SRFBP1: variants seen among roughly 807,000 people sequenced by gnomAD.
The protein encoded by SRFBP1 is serum response factor-binding protein 1.
A neutral mutation model predicts 45.5 loss-of-function variants in SRFBP1; 47 were observed. The observed-to-expected ratio is 1.03, with a 90% CI of 0.82 to 1.32. SRFBP1 has a LOEUF of 1.32. SRFBP1 is among the 40% of genes most tolerant of loss of function. SRFBP1 has a pLI of 0.00. For missense variants in SRFBP1, 621 were observed against 484.6 expected (o/e 1.28, Z -2.64); for synonymous variants, 203 against 166.3 (o/e 1.22, Z -1.70).
intron 4 of SRFBP1, among the ~76,000 whole-genome samples, chr5:122,018,328 G>A (rs1485845678): frequency 1.3e-5 from 2 of 152,244 alleles, no homozygotes; most frequent in African/African-American, 4.8e-5. Context: ...GTCCAGGTGA[G>A]AGGTGTTGGT....
intron 2 of SRFBP1, among the ~76,000 whole-genome samples, chr5:122,049,135 T>C (rs1753921937): frequency 2.0e-5 from 3 of 151,964 alleles, no homozygotes; most frequent in Admixed American, 2.0e-4. Context: ...TTAATTGTGA[T>C]GTTAGGGTGT....
At chr5:121,973,941 C>G (rs554765456) in intron 1 of SRFBP1, among the ~76,000 whole-genome samples, 1 of 151,874 alleles carries the variant, frequency 6.6e-6, no homozygotes, top group African/African-American at 2.4e-5. Context: ...CATTAAAATA[C>G]TTATCTCGGG....
intron 3 of SRFBP1, among the ~76,000 whole-genome samples, chr5:121,980,000 T>C (rs538262541): frequency 1.3e-5 from 2 of 152,108 alleles, no homozygotes; most frequent in Admixed American, 6.6e-5. Context: ...AAACTCATTA[T>C]CCTATCTACC....
intron 2 of SRFBP1, among the ~76,000 whole-genome samples, chr5:122,041,321 G>T (rs1372939442): frequency 1.3e-5 from 2 of 152,056 alleles, no homozygotes; most frequent in African/African-American, 2.4e-5. Context: ...AGCATTTGGG[G>T]CCCATTTGAA....
chr5:121,989,648 A>G (rs1324357841), intron 3 of SRFBP1, among the ~76,000 whole-genome samples: 3 of 152,194 alleles, frequency 2.0e-5, no homozygotes, highest in Admixed American at 6.5e-5. Context: ...TTAGTTTTCC[A>G]TTTGGCATGA....
chr5:122,033,064 C>T (rs1753616321), downstream of SRFBP1, among the ~76,000 whole-genome samples: 1 of 151,776 alleles, frequency 6.6e-6, no homozygotes, highest in South Asian at 2.1e-4. Context: ...CTGTGTATTG[C>T]TTACTCTTTG....
chr5:121,989,826 T>G (rs115405755), intron 3 of SRFBP1, among the ~76,000 whole-genome samples: 2 of 152,236 alleles, frequency 1.3e-5, no homozygotes, highest in African/African-American at 4.8e-5. Context: ...AGAATACTTA[T>G]GAGCAGTAAG....
downstream of SRFBP1, chr5:122,077,397 C>T (rs934229971): frequency 6.2e-7 from 1 of 1,613,956 alleles, no homozygotes; most frequent in East Asian, 2.2e-5. This position sits in a 1 kb window ranked among gnomAD's most constrained non-coding sequence, Gnocchi z 4.9. Context: ...CGGTACCTGC[C>T]CCCAGGTCTG....
chr5:121,983,345 G>C (rs74582191), intron 3 of SRFBP1, among the ~76,000 whole-genome samples: 3,990 of 151,696 alleles, frequency 0.026, 178 homozygotes, highest in African/African-American at 0.091. Context: ...TGTAATTGCT[G>C]GGTGTCATTT....
At chr5:122,001,336 A>G (rs1045455024) in intron 4 of SRFBP1, among the ~76,000 whole-genome samples, 1 of 150,742 alleles carries the variant, frequency 6.6e-6, no homozygotes, top group African/African-American at 2.4e-5. Context: ...GCAAATCAGC[A>G]TGCTAGATGA....
chr5:121,989,950 T>G (rs1752588251), intron 3 of SRFBP1, among the ~76,000 whole-genome samples: 1 of 152,176 alleles, frequency 6.6e-6, no homozygotes, highest in Non-Finnish European at 1.5e-5. Context: ...ACTGAAAATT[T>G]TTTGGCAAAT....
rs34687337 is a variant in SRFBP1 at position 121,966,946 on chromosome 5, A to ATTTT, written c.36+4895_36+4898dup. 2.0e-3 allele frequency among the ~76,000 whole-genome samples: 231 copies of ATTTT among 114,634 alleles called. 5 individuals are homozygous for ATTTT. Among genetic ancestry groups the ATTTT allele is most frequent in the Middle Eastern group, 5.0e-3 (1 of 200 alleles). The allele number at this position is 114,634 out of a possible 152,430, so 75.2% of individuals were successfully genotyped here. On this transcript the variant is annotated intron_variant, in intron 1 of 7. Transcript: ENST00000339397. Reference sequence around the variant, plus strand: ...AGGCGTCCACCATCACGCCCAGCTAATTTTTTTTTTTTTTTTTTTTGTATT... The same window carrying ATTTT: ...AGGCGTCCACCATCACGCCCAGCTAATTTTTTTTTTTTTTTTTTTTTTTTGTATT...
downstream of SRFBP1, among the ~76,000 whole-genome samples, chr5:122,031,461 C>T (rs545003412): frequency 6.6e-6 from 1 of 152,098 alleles, no homozygotes; most frequent in Non-Finnish European, 1.5e-5. Flanking sequence ...ATTGAAAACG[C>T]TATTTTAAAT....
chr5:122,025,899 G>A (rs183699323), intron 7 of SRFBP1, among the ~76,000 whole-genome samples: 29 of 152,216 alleles, frequency 1.9e-4, no homozygotes, highest in African/African-American at 5.8e-4. Context: ...TCAGGAGTTC[G>A]AGATCAGCCT....
intron 2 of SRFBP1, among the ~76,000 whole-genome samples, chr5:122,039,339 C>G (rs556664273): frequency 2.6e-5 from 4 of 152,118 alleles, no homozygotes; most frequent in Non-Finnish European, 5.9e-5. Context: ...CTGGATGGAA[C>G]TTTGAATTGC....
At chr5:122,078,164 G>T, downstream of SRFBP1, 1 of 519,026 alleles carries the variant, frequency 1.9e-6, no homozygotes. Context: ...CCCAGTCAAG[G>T]CGGCTGCTCG....
intron 4 of SRFBP1, among the ~76,000 whole-genome samples, chr5:122,010,198 T>G (rs1753061910): frequency 6.6e-6 from 1 of 152,162 alleles, no homozygotes; most frequent in Non-Finnish European, 1.5e-5. Flanking sequence ...AAAGGGCAAA[T>G]TAGAGGAAGG....
downstream of SRFBP1, chr5:122,078,004 G>C (rs1754694253): frequency 6.9e-7 from 1 of 1,440,794 alleles, no homozygotes. Context: ...TTGCCAGATT[G>C]ACCCCGCTCG....
intron 2 of SRFBP1, chr5:122,070,370 G>T (rs1208486845): frequency 6.1e-6 from 4 of 651,008 alleles, no homozygotes; most frequent in Non-Finnish European, 8.1e-6. Flanking sequence ...AGATTAGATT[G>T]TTTATAAATA....
Sources: allele counts gnomAD v4.1 joint callset (sites outside exome capture counted in the v4.1 genomes callset), GRCh38; gene constraint gnomAD v4.1.1; non-coding constraint Gnocchi (gnomAD v3.1); transcripts MANE v1.5; gene names NCBI Gene and HGNC (gene_info 2026-07-23, HGNC 2026-07-21).